The following SETD2 variants were observed in gnomAD, a reference collection of about 807,000 sequenced individuals.
SETD2 encodes histone-lysine N-methyltransferase SETD2.
Under a neutral mutation model 242.1 loss-of-function variants are expected in SETD2, and 31 were observed. That is an observed-to-expected ratio of 0.13 (90% CI 0.10 to 0.17). The LOEUF (loss-of-function observed/expected upper bound fraction) is 0.17. Among genes scored for constraint, SETD2 ranks in the 10% least tolerant of loss-of-function variants. SETD2 has a pLI of 1.00. For synonymous variants in SETD2, 1,006 were observed against 1,066.5 expected (o/e 0.94, Z 1.11); for missense variants, 2,481 against 3,046.3 (o/e 0.81, Z 4.37).
chr3:47,116,832 C>T (rs2107729622), intron 3 of SETD2, 78 bp from the exon 4 acceptor site: 2 of 1,035,978 alleles, frequency 1.9e-6, no homozygotes, highest in Non-Finnish European at 2.8e-6. Flanking sequence ...AAATATGTGC[C>T]AAATCTCATT....
intron 3 of SETD2, 152 bp from the exon 4 acceptor site, chr3:47,116,906 C>T (rs1160423107): frequency 7.3e-6 from 4 of 546,502 alleles, no homozygotes; most frequent in Non-Finnish European, 9.5e-6. Flanking sequence ...TGCAGTGATG[C>T]GATCATGGCT....
At chr3:47,068,637 T>C in intron 12 of SETD2, among the ~76,000 whole-genome samples, 1 of 151,824 alleles carries the variant, frequency 6.6e-6, no homozygotes, top group East Asian at 1.9e-4. Flanking sequence ...GCAGGGATTA[T>C]AGGCACACAC....
At chr3:47,127,628 G>A (rs1391551633) in intron 1 of SETD2, 8 of 414,638 alleles carry the variant, frequency 1.9e-5, no homozygotes, top group South Asian at 7.1e-5. Context: ...TTGGGAGGCC[G>A]AGGTGGGCAG....
intron 3 of SETD2, among the ~76,000 whole-genome samples, chr3:47,117,867 C>G (rs572748741): frequency 6.6e-6 from 1 of 152,244 alleles, no homozygotes; most frequent in Admixed American, 6.5e-5. Context: ...ATGAACTAGT[C>G]TTTTACCCTG....
intron 1 of SETD2, among the ~76,000 whole-genome samples, chr3:47,141,962 T>TA (rs1389311979): frequency 1.5e-4 from 22 of 151,564 alleles, no homozygotes; most frequent in African/African-American, 3.6e-4. Flanking sequence ...ATCCATACCT[T>TA]AAAAAAAACA....
At chr3:47,040,382 C>T (rs1277443075) in intron 17 of SETD2, among the ~76,000 whole-genome samples, 1 of 152,088 alleles carries the variant, frequency 6.6e-6, no homozygotes, top group Non-Finnish European at 1.5e-5. Context: ...AGAAACAAAA[C>T]TCTTGATAAA....
intron 12 of SETD2, among the ~76,000 whole-genome samples, chr3:47,081,280 A>T (rs1353017065): frequency 5.9e-5 from 9 of 152,154 alleles, no homozygotes. Context: ...TCCAGTGTGT[A>T]GAAAAGCCAA....
chr3:47,135,566 A>G (rs182282367), intron 1 of SETD2, among the ~76,000 whole-genome samples: 77 of 152,362 alleles, frequency 5.1e-4, no homozygotes, highest in Non-Finnish European at 9.1e-4. Flanking sequence ...ATGAGCCAGT[A>G]CAGGCACGCC....
chr3:47,118,617 A>G (rs1483084088), intron 3 of SETD2, among the ~76,000 whole-genome samples: 7 of 151,156 alleles, frequency 4.6e-5, no homozygotes, highest in Admixed American at 4.0e-4. Context: ...GTGAGCTGAG[A>G]TCACGCCACT....
At chr3:47,152,064 T>C (rs1352996262) in intron 1 of SETD2, among the ~76,000 whole-genome samples, 1 of 152,168 alleles carries the variant, frequency 6.6e-6, no homozygotes, top group African/African-American at 2.4e-5. Context: ...TACTATACTT[T>C]TCATAATTGT....
At chr3:47,085,482 T>C (rs2041514005) in intron 11 of SETD2, among the ~76,000 whole-genome samples, 1 of 152,152 alleles carries the variant, frequency 6.6e-6, no homozygotes, top group African/African-American at 2.4e-5. Flanking sequence ...CATTTTGAAA[T>C]CCAAGAATTT....
At chr3:47,052,806 ACT>A (rs995064369) in intron 15 of SETD2, among the ~76,000 whole-genome samples, 1 of 151,934 alleles carries the variant, frequency 6.6e-6, no homozygotes, top group South Asian at 2.1e-4. Flanking sequence ...ATAAAGCCAG[ACT>A]CTGTCTCCAA....
chr3:47,157,542 G>C (rs1426677502), intron 1 of SETD2: 2 of 455,760 alleles, frequency 4.4e-6, no homozygotes, highest in African/African-American at 4.0e-5. Context: ...CATAAGTACC[G>C]TTCTTTCTAG....
intron 18 of SETD2, among the ~76,000 whole-genome samples, chr3:47,020,898 C>T (rs1488024912): frequency 2.0e-5 from 3 of 152,148 alleles, no homozygotes; most frequent in Non-Finnish European, 1.5e-5. Flanking sequence ...AAAGGTGGCA[C>T]TCCCTTGGCT....
chr3:47,153,105 A>C (rs2044034477), intron 1 of SETD2, among the ~76,000 whole-genome samples: 1 of 151,658 alleles, frequency 6.6e-6, no homozygotes, highest in African/African-American at 2.4e-5. Context: ...GGATCACTTG[A>C]GACCAAGAGT....
At chr3:47,163,239 G>A (rs1332951961) in intron 1 of SETD2, among the ~76,000 whole-genome samples, 1 of 152,222 alleles carries the variant, frequency 6.6e-6, no homozygotes, top group Non-Finnish European at 1.5e-5. Flanking sequence ...ATGTGAATCC[G>A]GAAGCACTGC....
chr3:47,103,838 T>C lies in SETD2; in HGVS notation c.4840-415A>G, dbSNP rs867013047. ...TTCAAAGCAACAAATACCTAACTGA[T>C]GCTTTTGGAAGATCTGCTAATTATT... On this transcript the variant is annotated intron_variant, in intron 6 of 20. Transcript: ENST00000409792. Among the ~76,000 whole-genome samples the C allele has an allele frequency of 5.3e-5, 8 of 152,358 alleles. 1 individual carries two copies. The Middle Eastern group carries it at 0.01, about 194-fold the overall frequency.
chr3:47,081,204 A>C, intron 12 of SETD2: 1 of 469,260 alleles, frequency 2.1e-6, no homozygotes, highest in Non-Finnish European at 2.8e-6. Context: ...TGATTCCTAT[A>C]GTCTGCCATC....
intron 13 of SETD2, 39 bp from the exon 14 acceptor site, chr3:47,062,385 TAAG>T: frequency 1.0e-6 from 1 of 998,370 alleles, no homozygotes; most frequent in Non-Finnish European, 1.4e-6. Context: ...TTTTTTTTTT[TAAG>T]TTTATTTGGT....
Sources: gnomAD v4.1 joint callset for allele counts (sites outside exome capture counted in the v4.1 genomes callset) on GRCh38, gnomAD v4.1.1 for gene constraint, MANE v1.5 for transcripts, NCBI Gene and HGNC (gene_info 2026-07-23, HGNC 2026-07-21) for gene names.